Variants in SELENOI observed in about 807,000 individuals in gnomAD.
The protein encoded by SELENOI is ethanolaminephosphotransferase 1.
A neutral mutation model predicts 50.7 loss-of-function variants in SELENOI; 24 were observed. The ratio of observed to expected loss-of-function variants is 0.47; its 90% CI spans 0.34 to 0.67. SELENOI has a LOEUF of 0.67. SELENOI is among the 30% of genes least tolerant of loss of function. The pLI is 0.01. For synonymous variants in SELENOI, 155 were observed against 170.2 expected (o/e 0.91, Z 0.70); for missense variants, 352 against 461.4 (o/e 0.76, Z 2.17).
chr2:26,351,183 C>T (rs747938059), intron 1 of SELENOI, among the ~76,000 whole-genome samples: 12 of 151,896 alleles, frequency 7.9e-5, no homozygotes, highest in South Asian at 2.1e-4. Flanking sequence ...CTCAGCCTCC[C>T]GAGTGTCTAG....
chr2:26,354,613 G>C (rs1236175417), intron 1 of SELENOI, among the ~76,000 whole-genome samples: 2 of 151,436 alleles, frequency 1.3e-5, no homozygotes, highest in Non-Finnish European at 1.5e-5. Flanking sequence ...GGATGGTCTT[G>C]ATCTCCTGAC....
At chr2:26,372,787 T>G (rs1047371866) in intron 4 of SELENOI, among the ~76,000 whole-genome samples, 3 of 152,270 alleles carry the variant, frequency 2.0e-5, no homozygotes, top group African/African-American at 4.8e-5. Flanking sequence ...AAATGCTACT[T>G]TCTCAGATCT....
chr2:26,369,562 T>G (rs555168224), intron 4 of SELENOI, among the ~76,000 whole-genome samples: 4 of 152,172 alleles, frequency 2.6e-5, no homozygotes, highest in Non-Finnish European at 4.4e-5. Context: ...TACCACCAGT[T>G]TCTCATTCCT....
At chr2:26,387,364 CAT>C (rs1677865183) in intron 9 of SELENOI, among the ~76,000 whole-genome samples, 1 of 152,018 alleles carries the variant, frequency 6.6e-6, no homozygotes, top group Admixed American at 6.6e-5. Context: ...TTATTTTAAT[CAT>C]TTAGGTTGTT....
intron 1 of SELENOI, among the ~76,000 whole-genome samples, chr2:26,354,472 C>T (rs1484785050): frequency 5.3e-5 from 8 of 152,046 alleles, no homozygotes; most frequent in Admixed American, 1.3e-4. Flanking sequence ...CTGCAAGCTC[C>T]GCCTCCTGGG....
At chr2:26,352,948 T>G (rs1676992235) in intron 1 of SELENOI, among the ~76,000 whole-genome samples, 1 of 152,134 alleles carries the variant, frequency 6.6e-6, no homozygotes. Context: ...TTATTTGCTC[T>G]CTAATTTGCC....
intron 4 of SELENOI, among the ~76,000 whole-genome samples, chr2:26,371,687 C>T (rs937234228): frequency 1.7e-4 from 26 of 152,338 alleles, no homozygotes; most frequent in African/African-American, 4.8e-4. Flanking sequence ...AGCGAAACCC[C>T]GTCTCCACCA....
intron 1 of SELENOI, among the ~76,000 whole-genome samples, chr2:26,355,680 A>T (rs1040652021): frequency 2.1e-5 from 3 of 146,324 alleles, no homozygotes; most frequent in African/African-American, 7.7e-5. Flanking sequence ...CTGAAATTAG[A>T]TCTCCTTGCT....
chr2:26,349,670 G>GTT (rs372398913), intron 1 of SELENOI, among the ~76,000 whole-genome samples: 42,031 of 115,098 alleles, frequency 0.37, 9,791 homozygotes, highest in Non-Finnish European at 0.49. Flanking sequence ...CTGCAAGTTG[G>GTT]TTTTTTTTTT....
At chr2:26,386,648 A>T in intron 9 of SELENOI, 112 bp downstream of exon 9, 2 of 884,518 alleles carry the variant, frequency 2.3e-6, no homozygotes, top group Non-Finnish European at 3.2e-6. Flanking sequence ...GTTGCTTATT[A>T]TAGTAGCTGT....
At chr2:26,367,058 A>C in intron 3 of SELENOI, 88 bp from the exon 4 acceptor site, 2 of 1,107,096 alleles carry the variant, frequency 1.8e-6, no homozygotes, top group South Asian at 3.1e-5. Context: ...TAATGAACAA[A>C]TAGCGACACT....
intron 1 of SELENOI, among the ~76,000 whole-genome samples, chr2:26,352,289 G>A (rs1008992821): frequency 3.9e-5 from 6 of 152,156 alleles, no homozygotes; most frequent in African/African-American, 1.4e-4. Context: ...AGAAGATGGA[G>A]AGAGATAGAG....
At chr2:26,380,826 G>A (rs1677676013) in intron 6 of SELENOI, among the ~76,000 whole-genome samples, 1 of 152,096 alleles carries the variant, frequency 6.6e-6, no homozygotes, top group South Asian at 2.1e-4. Flanking sequence ...AATCTGATAG[G>A]TAAGAAATGA....
chr2:26,352,147 A>G (rs74633372), intron 1 of SELENOI, among the ~76,000 whole-genome samples: 5 of 152,080 alleles, frequency 3.3e-5, no homozygotes, highest in East Asian at 1.9e-4. Context: ...CTCAGAGAAG[A>G]AAAAAAAGCC....
intron 1 of SELENOI, among the ~76,000 whole-genome samples, chr2:26,359,219 G>A (rs1403023145): frequency 6.6e-6 from 1 of 152,128 alleles, no homozygotes; most frequent in Non-Finnish European, 1.5e-5. Flanking sequence ...CCAACCCCTG[G>A]TGTATTAAAC....
intron 1 of SELENOI, among the ~76,000 whole-genome samples, chr2:26,359,133 A>G (rs1344255531): frequency 6.6e-6 from 1 of 152,182 alleles, no homozygotes; most frequent in Non-Finnish European, 1.5e-5. Flanking sequence ...TCCAAGTGTT[A>G]TGTATTTGTT....
At chr2:26,359,315 C>T (rs188394215) in intron 1 of SELENOI, among the ~76,000 whole-genome samples, 10 of 152,202 alleles carry the variant, frequency 6.6e-5, no homozygotes, top group Admixed American at 1.3e-4. Context: ...TGACAGGGAG[C>T]GCTGTCTTCA....
At chr2:26,353,716 G>C (rs1284180795) in intron 1 of SELENOI, among the ~76,000 whole-genome samples, 1 of 152,166 alleles carries the variant, frequency 6.6e-6, no homozygotes, top group Non-Finnish European at 1.5e-5. Context: ...ACTGCAGAAG[G>C]GGAGAGATTT....
chr2:26,390,978 TAAGAA>T lies in SELENOI; in HGVS notation c.*1881_*1885del, dbSNP rs1246544900. 1.3e-5 allele frequency: 2 copies of T among 152,204 alleles called. No individual in the cohort carries two copies. Among genetic ancestry groups the T allele is most frequent in the African/African-American group, 4.8e-5 (2 of 41,456 alleles). 9.4% of individuals were successfully genotyped at this position (152,204 alleles called of 1,614,324 possible). On this transcript the variant is annotated 3_prime_UTR_variant, in exon 10 of 10. Transcript: ENST00000260585. ...AAGAATGAGATTAATCTGTATTATA[TAAGAA>T]AAGAACTGATAAATATTTATAAAAT...
Sources: allele counts gnomAD v4.1 joint callset (sites outside exome capture counted in the v4.1 genomes callset), GRCh38; gene constraint gnomAD v4.1.1; transcripts MANE v1.5; gene names NCBI Gene and HGNC (gene_info 2026-07-23, HGNC 2026-07-21).